Variants in LINGO2 observed in about 807,000 individuals in gnomAD.
The protein encoded by LINGO2 is leucine-rich repeat and immunoglobulin-like domain-containing nogo receptor-interacting protein 2.
LINGO2 carries 14 observed loss-of-function variants against 30.6 expected under a neutral mutation model. That is an observed-to-expected ratio of 0.46 (90% CI 0.30 to 0.72). The LOEUF (loss-of-function observed/expected upper bound fraction) is 0.72. Among genes scored for constraint, LINGO2 ranks in the 30% least tolerant of loss-of-function variants. The probability of loss-of-function intolerance (pLI) is 0.07; values close to 1 mark genes in which losing one functional copy is unlikely to be tolerated. For missense variants in LINGO2, 729 were observed against 751.7 expected (o/e 0.97, Z 0.35); for synonymous variants, 317 against 288.5 (o/e 1.10, Z -1.00).
chr9:28,374,387 A>T (rs191731805), intron 2 of LINGO2, among the ~76,000 whole-genome samples: 1 of 152,078 alleles, frequency 6.6e-6, no homozygotes, highest in Admixed American at 6.5e-5. Context: ...TAAGGAGAAA[A>T]TAAATTTTTA....
chr9:28,012,138 T>C (rs934514930), intron 5 of LINGO2, among the ~76,000 whole-genome samples: 6 of 152,150 alleles, frequency 3.9e-5, no homozygotes, highest in Non-Finnish European at 8.8e-5. Context: ...CTCTTACCAC[T>C]GAGCAAAATT....
chr9:29,114,244 T>C, the LINGO2 span, among the ~76,000 whole-genome samples: 1 of 151,788 alleles, frequency 6.6e-6, no homozygotes, highest in African/African-American at 2.4e-5. Flanking sequence ...TATGTATCTA[T>C]TGACATGTTG....
At chr9:28,777,693 A>G in the LINGO2 span, among the ~76,000 whole-genome samples, 1 of 152,200 alleles carries the variant, frequency 6.6e-6, no homozygotes, top group Non-Finnish European at 1.5e-5. Flanking sequence ...TTGGTCTAAG[A>G]CAGAGAACAG....
the LINGO2 span, among the ~76,000 whole-genome samples, chr9:29,189,383 T>C: frequency 2.1e-5 from 3 of 142,436 alleles, no homozygotes; most frequent in Non-Finnish European, 4.6e-5. Flanking sequence ...GACGGGGCGG[T>C]TGCCGGGCAG....
intron 3 of LINGO2, among the ~76,000 whole-genome samples, chr9:28,301,476 G>T (rs1449347484): frequency 1.3e-5 from 2 of 152,068 alleles, no homozygotes; most frequent in Non-Finnish European, 2.9e-5. Flanking sequence ...TTGATAATGT[G>T]GGTTCTTGGG....
At chr9:27,945,534 T>C (rs1399099096), downstream of LINGO2, among the ~76,000 whole-genome samples, 1 of 152,002 alleles carries the variant, frequency 6.6e-6, no homozygotes, top group Non-Finnish European at 1.5e-5. Context: ...CCAACTGGAG[T>C]GAAATGCTGA....
At chr9:28,709,697 TAAAC>T in the LINGO2 span, among the ~76,000 whole-genome samples, 4 of 151,894 alleles carry the variant, frequency 2.6e-5, no homozygotes, top group African/African-American at 7.2e-5. Context: ...ATTCTGCACA[TAAAC>T]AAAACATCTA....
chr9:28,047,603 A>C (rs1424940294), intron 4 of LINGO2, among the ~76,000 whole-genome samples: 1 of 150,066 alleles, frequency 6.7e-6, no homozygotes, highest in Non-Finnish European at 1.5e-5. Context: ...TTACATGATC[A>C]ATCTACACCT....
At chr9:28,655,547 A>G (rs1330669060) in intron 1 of LINGO2, among the ~76,000 whole-genome samples, 2 of 151,954 alleles carry the variant, frequency 1.3e-5, no homozygotes, top group African/African-American at 4.8e-5. Flanking sequence ...GGATAGAATA[A>G]TATGGTTAGA....
chr9:28,016,143 C>G (rs1822825328), intron 4 of LINGO2, among the ~76,000 whole-genome samples: 1 of 151,980 alleles, frequency 6.6e-6, no homozygotes, highest in African/African-American at 2.4e-5. Context: ...TTTCTTTTCC[C>G]TCCTCATTCC....
intron 2 of LINGO2, among the ~76,000 whole-genome samples, chr9:28,381,248 C>T (rs1358522293): frequency 6.6e-6 from 1 of 151,822 alleles, no homozygotes; most frequent in Non-Finnish European, 1.5e-5. Flanking sequence ...AAAACAAAAA[C>T]AATTGCAGAC....
At chr9:28,473,207 T>G (rs1020115695) in intron 2 of LINGO2, among the ~76,000 whole-genome samples, 55 of 4,870 alleles carry the variant, frequency 0.011, no homozygotes, top group Non-Finnish European at 0.04. Context: ...GATAACTTGT[T>G]TTTTTTTTCA....
intron 5 of LINGO2, among the ~76,000 whole-genome samples, chr9:27,954,163 G>A (rs1244018832): frequency 6.6e-6 from 1 of 152,134 alleles, no homozygotes; most frequent in Non-Finnish European, 1.5e-5. Context: ...AGTATATAGA[G>A]TATCCATCAC....
At chr9:28,520,579 T>C (rs983544963) in intron 1 of LINGO2, among the ~76,000 whole-genome samples, 8 of 152,264 alleles carry the variant, frequency 5.3e-5, no homozygotes, top group African/African-American at 1.9e-4. Context: ...CCCACTAGAA[T>C]GCAAGTTCCC....
At chr9:28,797,091 T>A in the LINGO2 span, among the ~76,000 whole-genome samples, 7 of 151,454 alleles carry the variant, frequency 4.6e-5, no homozygotes, top group South Asian at 8.4e-4. Context: ...TAGCATAGTG[T>A]GAAGAACACT....
At chr9:28,541,701 A>G (rs1821706528) in intron 1 of LINGO2, among the ~76,000 whole-genome samples, 1 of 152,146 alleles carries the variant, frequency 6.6e-6, no homozygotes, top group African/African-American at 2.4e-5. Flanking sequence ...TAAAACCAAA[A>G]TTGACTGCAT....
intron 3 of LINGO2, among the ~76,000 whole-genome samples, chr9:28,316,891 C>T (rs1587455784): frequency 6.6e-6 from 1 of 152,244 alleles, no homozygotes; most frequent in East Asian, 1.9e-4. Context: ...TCTGAGAATA[C>T]AGAAAGCTCA....
chr9:28,103,370 T>C (rs142272514), intron 4 of LINGO2, among the ~76,000 whole-genome samples: 9 of 152,298 alleles, frequency 5.9e-5, no homozygotes, highest in Admixed American at 5.9e-4. Context: ...GGTTGGTCCA[T>C]GGCTTATTTT....
chr9:28,014,096 C>T (rs565588438), intron 4 of LINGO2, among the ~76,000 whole-genome samples: 2 of 152,254 alleles, frequency 1.3e-5, no homozygotes, highest in African/African-American at 4.8e-5. Context: ...CTGTGTAGGA[C>T]GTGGTTACCA....
Sources: allele counts gnomAD v4.1 joint callset (sites outside exome capture counted in the v4.1 genomes callset), GRCh38; gene constraint gnomAD v4.1.1; transcripts MANE v1.5; gene names NCBI Gene and HGNC (gene_info 2026-07-23, HGNC 2026-07-21).